The following GRM7 variants were observed in gnomAD, a reference collection of about 807,000 sequenced individuals.
The protein encoded by GRM7 is glutamate metabotropic receptor 7, also known as metabotropic glutamate receptor 7.
In GRM7, 35 loss-of-function variants were observed where a neutral mutation model predicts 84.5. That is an observed-to-expected ratio of 0.41 (90% CI 0.32 to 0.55). GRM7 has a LOEUF of 0.55. Among genes scored for constraint, GRM7 ranks in the 20% least tolerant of loss-of-function variants. The probability of loss-of-function intolerance (pLI) is 0.19; values close to 1 mark genes in which losing one functional copy is unlikely to be tolerated. For synonymous variants in GRM7, 487 were observed against 455.1 expected, an observed-to-expected ratio of 1.07 and a Z score of -0.89; for missense variants, 1,003 against 1,194.6, an observed-to-expected ratio of 0.84 and a Z score of 2.36.
chr3:7,225,182 G>C (rs2124885244), intron 2 of GRM7, among the ~76,000 whole-genome samples: 1 of 151,734 alleles, frequency 6.6e-6, no homozygotes, highest in South Asian at 2.1e-4. Flanking sequence ...TTCCTAGAAG[G>C]AGTAGGATTA....
chr3:6,925,718 T>C (rs1697274800), intron 1 of GRM7, among the ~76,000 whole-genome samples: 1 of 152,166 alleles, frequency 6.6e-6, no homozygotes, highest in Non-Finnish European at 1.5e-5. Context: ...TAAATAGCTA[T>C]AGCTGCTATG....
intron 1 of GRM7, among the ~76,000 whole-genome samples, chr3:7,089,259 A>G (rs1029921786): frequency 3.3e-5 from 5 of 152,212 alleles, no homozygotes; most frequent in Admixed American, 6.5e-5. Context: ...TACATAAAAT[A>G]TCAAGTCATA....
At chr3:7,473,032 C>T (rs1205295226) in intron 7 of GRM7, among the ~76,000 whole-genome samples, 1 of 152,184 alleles carries the variant, frequency 6.6e-6, no homozygotes, top group Non-Finnish European at 1.5e-5. Context: ...CTCTCACATT[C>T]TCTGGCTGCG....
At chr3:7,138,209 T>C (rs1216304447) in intron 1 of GRM7, among the ~76,000 whole-genome samples, 1 of 151,944 alleles carries the variant, frequency 6.6e-6, no homozygotes, top group African/African-American at 2.4e-5. Flanking sequence ...AGATAATATA[T>C]ATTAAGTAGA....
At chr3:7,722,342 C>G (rs993516732) in intron 9 of GRM7, among the ~76,000 whole-genome samples, 2 of 152,078 alleles carry the variant, frequency 1.3e-5, no homozygotes, top group Admixed American at 6.6e-5. Flanking sequence ...AGTTGTTATA[C>G]TATAGTACTA....
At chr3:7,071,761 TATCA>T (rs1477370881) in intron 1 of GRM7, among the ~76,000 whole-genome samples, 2 of 152,130 alleles carry the variant, frequency 1.3e-5, no homozygotes, top group African/African-American at 4.8e-5. Context: ...TTATTTTTGG[TATCA>T]ATCAATATTT....
chr3:7,182,230 C>A (rs1695363463), intron 2 of GRM7, among the ~76,000 whole-genome samples: 1 of 151,988 alleles, frequency 6.6e-6, no homozygotes, highest in African/African-American at 2.4e-5. Flanking sequence ...GCAAAAAAAA[C>A]TATTAAAATA....
intron 2 of GRM7, among the ~76,000 whole-genome samples, chr3:7,284,718 C>A (rs1414796606): frequency 1.3e-5 from 2 of 152,002 alleles, no homozygotes; most frequent in Admixed American, 6.5e-5. Context: ...TTGGGCAAAT[C>A]ATTTTTCACT....
intron 2 of GRM7, among the ~76,000 whole-genome samples, chr3:7,165,253 A>G (rs927189642): frequency 6.6e-6 from 1 of 152,302 alleles, no homozygotes; most frequent in Middle Eastern, 3.4e-3. Context: ...GACACCTTCA[A>G]TTATCCCAGA....
intron 2 of GRM7, among the ~76,000 whole-genome samples, chr3:7,148,793 T>C (rs889086395): frequency 7.2e-5 from 11 of 152,190 alleles, no homozygotes; most frequent in Non-Finnish European, 1.5e-4. Context: ...ATTCCGTCAG[T>C]GGCAGCCATT....
chr3:6,986,650 T>C lies in GRM7; in HGVS notation c.519+124743T>C, dbSNP rs192396660. Among the ~76,000 whole-genome samples the C allele has an allele frequency of 7.2e-5, 11 of 152,342 alleles. No individual in the cohort carries two copies. In the East Asian group the frequency reaches 1.4e-3, roughly 19 times the overall value. On this transcript the variant is annotated intron_variant, in intron 1 of 9. Transcript: ENST00000357716. Reference sequence around the variant, plus strand: ...CTCCCTTCTAGCTCTCTGTATGGAATAGGCTGCTGTGTTTTTTGACTTAGC... The same window carrying C: ...CTCCCTTCTAGCTCTCTGTATGGAACAGGCTGCTGTGTTTTTTGACTTAGC...
chr3:7,257,540 C>T (rs1313055591), intron 2 of GRM7, among the ~76,000 whole-genome samples: 1 of 152,098 alleles, frequency 6.6e-6, no homozygotes, highest in African/African-American at 2.4e-5. Flanking sequence ...TTTCTCTCCA[C>T]AAGTATACTG....
At chr3:7,404,799 A>T (rs567567786) in intron 4 of GRM7, among the ~76,000 whole-genome samples, 17 of 152,232 alleles carry the variant, frequency 1.1e-4, no homozygotes, top group African/African-American at 1.7e-4. Context: ...ACATAAAAAA[A>T]AAAAATAATA....
chr3:7,040,748 G>T (rs1415367242), intron 1 of GRM7, among the ~76,000 whole-genome samples: 1 of 151,854 alleles, frequency 6.6e-6, no homozygotes, highest in Non-Finnish European at 1.5e-5. Context: ...AGATCCTTAG[G>T]TGCCACTCCA....
intron 1 of GRM7, among the ~76,000 whole-genome samples, chr3:6,950,690 G>T (rs1692714021): frequency 6.6e-6 from 1 of 152,240 alleles, no homozygotes; most frequent in Admixed American, 6.5e-5. Context: ...TCCTTGAGCT[G>T]TGGTGGGCTC....
intron 9 of GRM7, among the ~76,000 whole-genome samples, chr3:7,686,998 G>T (rs1700612901): frequency 6.6e-6 from 1 of 152,148 alleles, no homozygotes; most frequent in Non-Finnish European, 1.5e-5. Context: ...TTCCTTCTCT[G>T]CAGAAAATAA....
chr3:7,627,198 A>T (rs1486559762), intron 8 of GRM7, among the ~76,000 whole-genome samples: 1 of 152,146 alleles, frequency 6.6e-6, no homozygotes, highest in Non-Finnish European at 1.5e-5. Flanking sequence ...AATCACTTTG[A>T]GTTTACAAAT....
In GRM7 at chr3:7,735,048, C is replaced by CAA. The variant is rs3840230; in HGVS notation, c.2699-5302_2699-5301dup. Among the ~76,000 whole-genome samples the CAA allele has an allele frequency of 6.6e-3, 1,001 of 151,564 alleles. 15 individuals are homozygous for CAA. The highest frequency in any genetic ancestry group is 0.065 in the East Asian group (332 of 5,134). ...AGGCCATTGACTACAGAAGTAATTA[C>CAA]AAAAAAAAGTACTTCTTTTTATTTT... is the stretch of plus-strand genomic sequence containing the variant. On this transcript the variant is annotated intron_variant, in intron 9 of 9. Coordinates refer to ENST00000357716, the MANE Select transcript of GRM7 (RefSeq NM_000844.4).
chr3:7,194,348 G>C (rs578126854), intron 2 of GRM7, among the ~76,000 whole-genome samples: 23 of 152,288 alleles, frequency 1.5e-4, no homozygotes, highest in Admixed American at 4.6e-4. Context: ...ATAGCCAAAT[G>C]AGGTGAAGCA....
Sources: gnomAD v4.1 joint callset for allele counts (sites outside exome capture counted in the v4.1 genomes callset) on GRCh38, gnomAD v4.1.1 for gene constraint, MANE v1.5 for transcripts, NCBI Gene and HGNC (gene_info 2026-07-23, HGNC 2026-07-21) for gene names.